AP5B1: variants seen among roughly 807,000 people sequenced by gnomAD.
AP5B1 encodes adaptor related protein complex 5 subunit beta 1.
Under a neutral mutation model 5.7 loss-of-function variants are expected in AP5B1, and 3 were observed. The observed-to-expected ratio is 0.53, with a 90% CI of 0.24 to 1.36. The LOEUF is 1.36. Among genes scored for constraint, AP5B1 ranks in the 40% most tolerant of loss-of-function variants. AP5B1 has a pLI of 0.17. For synonymous variants in AP5B1, 696 were observed against 555.5 expected (o/e 1.25, Z -3.56); for missense variants, 1,310 against 1,143.2 (o/e 1.15, Z -2.10).
chr11:65,780,040 G>T lies in AP5B1; in HGVS notation c.453C>A (p.Cys151Ter). 6.4e-7 allele frequency: 1 copy of T among 1,553,490 alleles called. No individual in the cohort carries two copies. ...SEQRPLQATACECLRELESCK... is the reference protein window; with the variant it reads ...SEQRPLQATA The stretch of plus-strand genomic sequence containing the variant: ...AGCTCTCTAGCTCTCGCAGGCACTC[G>T]CAGGCCGTGGCCTGCAAGGGGCGCT... Residue 151 changes from cysteine (C) to a stop codon, truncating the protein, a stop_gained, in exon 2 of 2, where the codon TGC becomes TGA. Transcript: ENST00000532090. LOFTEE classifies it low-confidence loss of function (END_TRUNC).
rs765809582 is a variant in AP5B1, at chr11:65,779,976, G to A, written c.517C>T (p.Arg173Trp). The A allele has an allele frequency of 1.9e-6, 3 of 1,578,254 alleles. No individual in the cohort carries two copies. Among genetic ancestry groups the A allele is most frequent in the South Asian group, 2.3e-5 (2 of 87,570 alleles). The change falls in exon 2 of 2, where the codon CGG becomes TGG. Residue 173 changes from arginine (R) to tryptophan (W), a missense_variant. Arg to Trp is a moderately radical substitution (Grantham distance 101). Transcript: ENST00000532090. ...GLLGGSLGLL[R>W]GLLGQEGPVQ... ...GGGCCTTCCTGCCCCAGCAGGCCCC[G>A]CAGCAACCCCAGGGAGCCCCCCAGC...
rs1281627984 is a variant in AP5B1, at chr11:65,779,496, C to T, written c.997G>A (p.Ala333Thr). The change falls in exon 2 of 2, where the codon GCC becomes ACC. Residue 333 changes from alanine (A) to threonine (T), a missense_variant. Physicochemically the swap from Ala to Thr is moderately conservative, Grantham distance 58 (BLOSUM62 0). Coordinates refer to ENST00000532090, the MANE Select transcript of AP5B1 (RefSeq NM_138368.5). ...GCTGTGAACAAGGCCTCACCAAAGGCCGCCTTGAGCGCAAGCATGGCGTGC... is the reference window on the plus strand; with the variant it reads ...GCTGTGAACAAGGCCTCACCAAAGGTCGCCTTGAGCGCAAGCATGGCGTGC... ...LLHAMLALKAAFGEALFTAQD... is the reference protein window; with the variant it reads ...LLHAMLALKATFGEALFTAQD... The T allele has an allele frequency of 6.2e-7, 1 of 1,602,400 alleles. No homozygotes were observed. Among genetic ancestry groups the T allele is most frequent in the Non-Finnish European group, 8.5e-7 (1 of 1,175,428 alleles).
In AP5B1 at chr11:65,780,028, T is replaced by C. The variant is rs759782433; in HGVS notation, c.465A>G (p.Arg155=). ...PLQATACECL[R]ELESCKPGLL... ...GCCCGGGCTTGCAGCTCTCTAGCTCTCGCAGGCACTCGCAGGCCGTGGCCT... is the reference window on the plus strand; with the variant it reads ...GCCCGGGCTTGCAGCTCTCTAGCTCCCGCAGGCACTCGCAGGCCGTGGCCT... Residue 155 remains arginine, a synonymous_variant, in exon 2 of 2, where the codon CGA becomes CGG. Transcript: ENST00000532090. 4.5e-6 allele frequency: 7 copies of C among 1,554,632 alleles called. No individual in the cohort carries two copies. Among genetic ancestry groups the C allele is most frequent in the Non-Finnish European group, 6.1e-6 (7 of 1,149,600 alleles).
Position 65,778,462 on chromosome 11 carries a change from G to T in AP5B1, c.2031C>A (p.Leu677=). 1 of 1,573,334 alleles carries T rather than the reference G, an allele frequency of 6.4e-7. No individual in the cohort carries two copies. ...CCTCCGGCTGGAGCTTCAACACTGG[G>T]AGTGGGCCCTTGACCCGATGGGACC... The part of the protein sequence containing the change: ...SLGSHRVKGP[L]PVLKLQPEAL... The change falls in exon 2 of 2, where the codon CTC becomes CTA. Residue 677 remains leucine, a synonymous_variant. Transcript: ENST00000532090.
In AP5B1 at chr11:65,780,570, C is replaced by G. The variant is rs1857838810; in HGVS notation, c.22G>C (p.Ala8Pro). 2 of 1,483,684 alleles carry G rather than the reference C, an allele frequency of 1.3e-6. No homozygotes were observed. The highest frequency in any genetic ancestry group is 2.9e-5 in the African/African-American group (2 of 68,902). The allele number at this position is 1,483,684 out of a possible 1,614,324, so 91.9% of individuals were successfully genotyped here. A position where few individuals can be genotyped will look rare whatever the true frequency, so the allele number is the denominator to read the frequency against. Residue 8 changes from alanine to proline, a missense_variant, in exon 1 of 2, where the codon GCC becomes CCC. By Grantham distance (27) the Ala-to-Pro change is conservative. Coordinates refer to ENST00000532090, the MANE Select transcript of AP5B1 (RefSeq NM_138368.5). The stretch of plus-strand genomic sequence containing the variant: ...AAGGCCCCCAAGCGCTGGGCCCAGG[C>G]GTCCCGGCTCAGGGGCCCCATGGTG... MGPLSRD[A>P]WAQRLGAFRA...
chr11:65,779,552 C>A lies in AP5B1; in HGVS notation c.941G>T (p.Arg314Leu), dbSNP rs1355049345. 6.2e-7 allele frequency: 1 copy of A among 1,608,428 alleles called. No homozygotes were observed. Among genetic ancestry groups the A allele is most frequent in the Non-Finnish European group, 8.5e-7 (1 of 1,178,680 alleles). The change falls in exon 2 of 2, where the codon CGG becomes CTG. Residue 314 changes from arginine (R) to leucine (L), a missense_variant. Transcript: ENST00000532090. ...TGTCAGCTGTGCTGTGCCTAGCAGC[C>A]GTACCAGCTGCGGCTTGAAGAGTGC... ...PPALFKPQLV[R>L]LLGTAQLTLL...
chr11:65,779,008 T>G lies in AP5B1; in HGVS notation c.1485A>C (p.Gln495His). ...AGTGGGGAGCCAGCATGGGCCGGGCTTGGTACAGCTGGGCCAGTCCGTGGA... is the reference window on the plus strand; with the variant it reads ...AGTGGGGAGCCAGCATGGGCCGGGCGTGGTACAGCTGGGCCAGTCCGTGGA... ...PLIHGLAQLY[Q>H]ARPMLAPHFV... is the part of the protein sequence containing the mutation. The change falls in exon 2 of 2, where the codon CAA becomes CAC. Residue 495 changes from glutamine to histidine, a missense_variant. By Grantham distance (24) the Gln-to-His change is conservative. Transcript: ENST00000532090. The G allele has an allele frequency of 6.2e-7, 1 of 1,610,650 alleles. No individual in the cohort carries two copies. The highest frequency in any genetic ancestry group is 1.3e-5 in the African/African-American group (1 of 75,022).
At chr11:65,780,412 G>A (rs1429676326) in intron 1 of AP5B1, 30 bp downstream of exon 1, 14 of 1,474,130 alleles carry the variant, frequency 9.5e-6, no homozygotes, top group Non-Finnish European at 1.2e-5. Flanking sequence ...TGACCCTGCG[G>A]AACGGCGCAG....
Position 65,779,078 on chromosome 11 carries a change from A to T in AP5B1, c.1415T>A (p.Val472Glu). 1 of 1,608,548 alleles carries T rather than the reference A, an allele frequency of 6.2e-7. No individual in the cohort carries two copies. The highest frequency in any genetic ancestry group is 8.5e-7 in the Non-Finnish European group (1 of 1,177,918). The change falls in exon 2 of 2, where the codon GTG becomes GAG. Residue 472 changes from valine to glutamate, a missense_variant. Transcript: ENST00000532090. Reference sequence around the variant, plus strand: ...AGGTTGCCCAGCCAGGCAGCAGGCCACCAGATACGAGGCCTGGAAGCAGAG... The same window carrying T: ...AGGTTGCCCAGCCAGGCAGCAGGCCTCCAGATACGAGGCCTGGAAGCAGAG... Reference protein sequence around the residue: ...ATLCFQASYLVACCLAGQPTV... With the variant: ...ATLCFQASYLEACCLAGQPTV...
rs1165278314 is a variant in AP5B1 at position 65,779,658 on chromosome 11, A to G, written c.835T>C (p.Tyr279His). The part of the protein sequence containing the change: ...AAVIQLLDTS[Y>H]LLTPVAQAQL... Reference sequence around the variant, plus strand: ...GCCTGGGCCACAGGAGTGAGCAGATAGGAGGTGTCCAGAAGCTGGATCACC... The same window carrying G: ...GCCTGGGCCACAGGAGTGAGCAGATGGGAGGTGTCCAGAAGCTGGATCACC... Residue 279 changes from tyrosine to histidine, a missense_variant, in exon 2 of 2, where the codon TAT (tyrosine) becomes CAT (histidine). Physicochemically the swap from Tyr to His is moderately conservative, Grantham distance 83. Transcript: ENST00000532090. 3 of 1,612,114 alleles carry G rather than the reference A, an allele frequency of 1.9e-6. No homozygotes were observed. The South Asian group carries it at 3.3e-5, about 18-fold the overall frequency.
At position 65,777,909 on chromosome 11, in the gene AP5B1, C is replaced by G. The variant is rs1417097312; in HGVS notation, c.2584G>C (p.Ala862Pro). Residue 862 changes from alanine to proline, a missense_variant, in exon 2 of 2, where the codon GCC becomes CCC. Ala to Pro is a conservative substitution (Grantham distance 27). Transcript: ENST00000532090. ...TAGTCCCCCGCCAGGGGCAGCACGG[C>G]CCAGTCATCGGTCCGCAGGGCCACA... ...VPVALRTDDWAVLPLAGDYLR... is the reference protein window; with the variant it reads ...VPVALRTDDWPVLPLAGDYLR... 5 of 1,554,862 alleles carry G rather than the reference C, an allele frequency of 3.2e-6. No individual in the cohort carries two copies. Among genetic ancestry groups the G allele is most frequent in the Admixed American group, 2.0e-5 (1 of 51,246 alleles).
Position 65,779,439 on chromosome 11 carries a change from T to G in AP5B1, c.1054A>C (p.Thr352Pro), listed in dbSNP as rs757848244. 8 of 1,607,702 alleles carry G rather than the reference T, an allele frequency of 5.0e-6. No individual in the cohort carries two copies. In the Admixed American group the frequency reaches 6.8e-5, roughly 14 times the overall value. Reference protein sequence around the residue: ...QDEALLLRRLTLAAQHPALPP... With the variant: ...QDEALLLRRLPLAAQHPALPP... ...AGAGCAGGGTGCTGGGCAGCCAAGG[T>G]GAGCCGGCGGAGCAGCAACGCTTCA... The change falls in exon 2 of 2, where the codon ACC becomes CCC. Residue 352 changes from threonine to proline, a missense_variant. By Grantham distance (38) the Thr-to-Pro change is conservative (BLOSUM62 -1). Transcript: ENST00000532090.
chr11:65,778,933 C>G lies in AP5B1; in HGVS notation c.1560G>C (p.Lys520Asn). 6.2e-7 allele frequency: 1 copy of G among 1,612,996 alleles called. No homozygotes were observed. The change falls in exon 2 of 2, where the codon AAG (lysine) becomes AAC (asparagine). Residue 520 changes from lysine to asparagine, a missense_variant. By Grantham distance (94) the Lys-to-Asn change is moderately conservative. Coordinates refer to ENST00000532090, the MANE Select transcript of AP5B1 (RefSeq NM_138368.5). ...ACACCACCACCTGCCGCAACACCACCTTCAGGGGCTCCCTCAGCTCAGAGT... is the reference window on the plus strand; with the variant it reads ...ACACCACCACCTGCCGCAACACCACGTTCAGGGGCTCCCTCAGCTCAGAGT... The part of the protein sequence containing the change: ...QVDSELREPL[K>N]VVLRQVVVSR...
Position 65,778,104 on chromosome 11 carries a change from G to T in AP5B1, c.2389C>A (p.Arg797Ser). The change falls in exon 2 of 2, where the codon CGT becomes AGT. Residue 797 changes from arginine (R) to serine (S), a missense_variant. Physicochemically the swap from Arg to Ser is moderately radical, Grantham distance 110. Transcript: ENST00000532090. ...DSCLPEGAES[R>S]VWCPLGPQGL... ...TGTGGCCCAAGTGGACACCACACAC[G>T]ACTCTCAGCACCCTCTGGCAGGCAG... 6.2e-7 allele frequency: 1 copy of T among 1,612,820 alleles called. No individual in the cohort carries two copies. Among genetic ancestry groups the T allele is most frequent in the South Asian group, 1.1e-5 (1 of 91,072 alleles).
In AP5B1 at chr11:65,777,480, C is replaced by A. The variant is rs963209669; in HGVS notation, c.*376G>T. 2 of 217,100 alleles carry A rather than the reference C, an allele frequency of 9.2e-6. No individual in the cohort carries two copies. The allele number at this position is 217,100 out of a possible 1,614,324, so 13.4% of individuals were successfully genotyped here. On this transcript the variant is annotated 3_prime_UTR_variant, in exon 2 of 2. Coordinates refer to ENST00000532090, the MANE Select transcript of AP5B1 (RefSeq NM_138368.5). Reference sequence around the variant, plus strand: ...AGGCCACGAGGGCTCTGCCCTCCTGCGTGGACTCAGGCCGTTATCTTGGGA... The same window carrying A: ...AGGCCACGAGGGCTCTGCCCTCCTGAGTGGACTCAGGCCGTTATCTTGGGA...
chr11:65,780,436 G>A lies in AP5B1; in HGVS notation c.150+6C>T. Reference sequence around the variant, plus strand: ...GGAACGGCGCAGGGGACGCGTGGGGGCCTACCTTGGTCTGTTCGCTCAGCT... The same window carrying A: ...GGAACGGCGCAGGGGACGCGTGGGGACCTACCTTGGTCTGTTCGCTCAGCT... On this transcript the variant is annotated splice_donor_region_variant and intron_variant, in intron 1 of 1. Coordinates refer to ENST00000532090, the MANE Select transcript of AP5B1 (RefSeq NM_138368.5). The A allele has an allele frequency of 1.3e-6, 2 of 1,502,206 alleles. No individual in the cohort carries two copies. The highest frequency in any genetic ancestry group is 1.8e-6 in the Non-Finnish European group (2 of 1,131,250). The allele number at this position is 1,502,206 out of a possible 1,614,324, so 93.1% of individuals were successfully genotyped here.
In AP5B1 at chr11:65,778,286, G is replaced by A. The variant is rs1857792089; in HGVS notation, c.2207C>T (p.Ala736Val). Residue 736 changes from alanine to valine, a missense_variant, in exon 2 of 2, where the codon GCA (alanine) becomes GTA (valine). Ala to Val is a moderately conservative substitution (Grantham distance 64, BLOSUM62 0). Transcript: ENST00000532090. Reference sequence around the variant, plus strand: ...GTAAAGGGCATGGACATCCAGCCGTGCGGGGGCCGGGCATCGGGGCTGCAG... The same window carrying A: ...GTAAAGGGCATGGACATCCAGCCGTACGGGGGCCGGGCATCGGGGCTGCAG... ...LPLQPRCPAP[A>V]RLDVHALYTT... is the part of the protein sequence containing the mutation. 8 of 1,612,990 alleles carry A rather than the reference G, an allele frequency of 5.0e-6. No individual in the cohort carries two copies. In the South Asian group the frequency reaches 6.6e-5, roughly 13 times the overall value.
Position 65,780,066 on chromosome 11 carries a change from G to A in AP5B1, c.427C>T (p.Gln143Ter). The change falls in exon 2 of 2, where the codon CAG becomes TAG. Residue 143 changes from glutamine to a stop codon, truncating the protein, a stop_gained. Coordinates refer to ENST00000532090, the MANE Select transcript of AP5B1 (RefSeq NM_138368.5). LOFTEE classifies it low-confidence loss of function (END_TRUNC). ...CAGGCCGTGGCCTGCAAGGGGCGCT[G>A]TTCCGAGGCGGGGACAAAGCCTCGC... ...LGRGFVPASE[Q>*]RPLQATACEC... The A allele has an allele frequency of 2.6e-6, 4 of 1,546,732 alleles. No homozygotes were observed. The South Asian group carries it at 3.6e-5, about 14-fold the overall frequency.
In AP5B1 at chr11:65,774,156, T is replaced by C. The variant is rs984328528; in HGVS notation, c.*3700A>G. Among the ~76,000 whole-genome samples the C allele has an allele frequency of 1.3e-5, 2 of 152,202 alleles. No individual in the cohort carries two copies. Among genetic ancestry groups the C allele is most frequent in the African/African-American group, 4.8e-5 (2 of 41,442 alleles). ...CCCAACCCATCAGGGCCAGGAATTG[T>C]TTTAAGTTTTTTCTGAGATTCCCTC... On this transcript the variant is annotated 3_prime_UTR_variant, in exon 2 of 2. Coordinates refer to ENST00000532090, the MANE Select transcript of AP5B1 (RefSeq NM_138368.5).
Sources: allele counts gnomAD v4.1 joint callset (sites outside exome capture counted in the v4.1 genomes callset), GRCh38; gene constraint gnomAD v4.1.1; transcripts MANE v1.5; gene names NCBI Gene and HGNC (gene_info 2026-07-23, HGNC 2026-07-21).